The following LRP1B variants were observed in gnomAD, a reference collection of about 807,000 sequenced individuals.
LRP1B encodes LDL receptor related protein 1B, also known as low-density lipoprotein receptor-related protein 1B.
LRP1B carries 217 observed loss-of-function variants against 556.6 expected under a neutral mutation model. The ratio of observed to expected loss-of-function variants is 0.39; its 90% CI spans 0.35 to 0.44. The LOEUF (loss-of-function observed/expected upper bound fraction) is 0.44, where lower values mean the gene tolerates loss of function less well. LRP1B is among the 20% of genes least tolerant of loss of function. LRP1B has a pLI of 1.00. For synonymous variants in LRP1B, 2,047 were observed against 1,865.8 expected (o/e 1.10, Z -2.50); for missense variants, 5,053 against 5,620.8 (o/e 0.90, Z 3.23).
At position 140,291,316 on chromosome 2, in the gene LRP1B, A is replaced by T. The variant is rs866751362; in HGVS notation, c.12967+6492T>A. On this transcript the variant is annotated intron_variant, in intron 84 of 90. Transcript: ENST00000389484. Reference sequence around the variant, plus strand: ...TTTTATTTTATATATATATATATATATATTTTTATTATACTTTAAGTTCTA... The same window carrying T: ...TTTTATTTTATATATATATATATATTTATTTTTATTATACTTTAAGTTCTA... 3.9e-3 allele frequency among the ~76,000 whole-genome samples: 265 copies of T among 68,746 alleles called. 2 individuals are homozygous for T. The highest frequency in any genetic ancestry group is 0.012 in the African/African-American group (249 of 20,660). 45.1% of individuals were successfully genotyped at this position (68,746 alleles called of 152,430 possible).
At chr2:140,754,519 CAA>C (rs1415760580) in intron 35 of LRP1B, among the ~76,000 whole-genome samples, 2 of 152,156 alleles carry the variant, frequency 1.3e-5, no homozygotes, top group African/African-American at 4.8e-5. Flanking sequence ...ACAACAACAA[CAA>C]AGCATGGAAA....
intron 23 of LRP1B, among the ~76,000 whole-genome samples, chr2:140,887,990 T>C (rs920707150): frequency 2.1e-4 from 32 of 152,180 alleles, no homozygotes; most frequent in Non-Finnish European, 1.8e-4. Flanking sequence ...AACTGAATTG[T>C]GCACTTTAAA....
At chr2:140,608,551 A>G (rs9287538) in intron 41 of LRP1B, among the ~76,000 whole-genome samples, 33,957 of 152,180 alleles carry the variant, frequency 0.22, 4,142 homozygotes, top group Admixed American at 0.3. Flanking sequence ...AGTAAAACAC[A>G]TGATTTTCCC....
intron 1 of LRP1B, among the ~76,000 whole-genome samples, chr2:141,846,010 A>AAGAG (rs70994456): frequency 4.0e-5 from 6 of 150,776 alleles, no homozygotes; most frequent in East Asian, 2.0e-4. Context: ...AGGAAATTTA[A>AAGAG]AGAGAGAGAG....
At chr2:141,457,934 A>T (rs1342863974) in intron 3 of LRP1B, among the ~76,000 whole-genome samples, 1 of 152,204 alleles carries the variant, frequency 6.6e-6, no homozygotes, top group African/African-American at 2.4e-5. Context: ...AATTCAGGAG[A>T]CACTGTAGTA....
intron 2 of LRP1B, among the ~76,000 whole-genome samples, chr2:141,766,249 G>A (rs1694729072): frequency 6.6e-6 from 1 of 152,136 alleles, no homozygotes; most frequent in Non-Finnish European, 1.5e-5. Flanking sequence ...CCTAGGATAA[G>A]CAGCAGATTT....
chr2:141,260,547 T>G (rs1684646199), intron 3 of LRP1B, among the ~76,000 whole-genome samples: 1 of 152,214 alleles, frequency 6.6e-6, no homozygotes, highest in African/African-American at 2.4e-5. Flanking sequence ...TCTTTTTTCC[T>G]CATTAGTTTT....
chr2:140,779,710 A>T (rs1689625430), intron 32 of LRP1B, among the ~76,000 whole-genome samples: 1 of 147,782 alleles, frequency 6.8e-6, no homozygotes, highest in Non-Finnish European at 1.5e-5. Context: ...AAAAAAAAAA[A>T]AAAAGTGTGT....
intron 18 of LRP1B, among the ~76,000 whole-genome samples, chr2:140,966,133 G>A (rs532559982): frequency 3.0e-4 from 45 of 152,274 alleles, no homozygotes; most frequent in African/African-American, 6.0e-4. Flanking sequence ...TCACCACACC[G>A]TCTTCTACAA....
At chr2:141,905,327 G>A (rs1171295088) in intron 1 of LRP1B, among the ~76,000 whole-genome samples, 1 of 151,810 alleles carries the variant, frequency 6.6e-6, no homozygotes, top group African/African-American at 2.4e-5. Context: ...CTAGAGAACA[G>A]AGTTAACATA....
At chr2:140,913,196 A>G (rs1264611541) in intron 21 of LRP1B, among the ~76,000 whole-genome samples, 4 of 151,898 alleles carry the variant, frequency 2.6e-5, no homozygotes, top group Admixed American at 6.6e-5. Flanking sequence ...TTTGGTTTCA[A>G]TTCAATTTGA....
intron 3 of LRP1B, among the ~76,000 whole-genome samples, chr2:141,362,817 TAAAA>T (rs372926853): frequency 2.2e-5 from 3 of 138,828 alleles, no homozygotes; most frequent in African/African-American, 5.2e-5. Flanking sequence ...TTGCATTAAT[TAAAA>T]AAAAAAAAAA....
intron 20 of LRP1B, among the ~76,000 whole-genome samples, chr2:140,935,664 A>C (rs2105278156): frequency 6.6e-6 from 1 of 152,252 alleles, no homozygotes; most frequent in East Asian, 1.9e-4. Context: ...AAGAAGCTCA[A>C]CCATCCCCAA....
At chr2:140,936,348 AAAAAAAAAAAAAAAGAAAGG>A (rs914705115) in intron 20 of LRP1B, among the ~76,000 whole-genome samples, 6 of 138,192 alleles carry the variant, frequency 4.3e-5, no homozygotes, top group African/African-American at 1.7e-4. Context: ...TCAAAAAAAA[AAAAAAAAAAAAAAAGAAAGG>A]AAAAAAGAAA....
intron 1 of LRP1B, among the ~76,000 whole-genome samples, chr2:142,000,130 T>C (rs991105835): frequency 2.0e-5 from 3 of 152,072 alleles, no homozygotes; most frequent in African/African-American, 7.2e-5. Context: ...TAAGGTTATA[T>C]GTTAATTGAA....
intron 53 of LRP1B, among the ~76,000 whole-genome samples, chr2:140,504,816 TAATCATCAGAACTATCAC>T (rs1689338035): frequency 6.6e-6 from 1 of 152,170 alleles, no homozygotes. Flanking sequence ...ACCACGTCAT[TAATCATCAGAACTATCAC>T]AATAACCCCC....
intron 1 of LRP1B, among the ~76,000 whole-genome samples, chr2:141,892,523 C>T (rs1196326836): frequency 2.6e-5 from 4 of 151,836 alleles, no homozygotes; most frequent in African/African-American, 9.7e-5. Flanking sequence ...TGTCTAATCC[C>T]TATAAAGGAA....
intron 3 of LRP1B, among the ~76,000 whole-genome samples, chr2:141,331,164 T>A (rs1329628088): frequency 6.6e-6 from 1 of 152,150 alleles, no homozygotes; most frequent in African/African-American, 2.4e-5. Context: ...GCCTCTTACC[T>A]TCTCTCCTGC....
intron 2 of LRP1B, among the ~76,000 whole-genome samples, chr2:141,607,904 C>T (rs1320885951): frequency 1.3e-5 from 2 of 151,910 alleles, no homozygotes; most frequent in Non-Finnish European, 2.9e-5. Flanking sequence ...GCCTGGGTGA[C>T]AGAATGAGAT....
Sources: gnomAD v4.1 joint callset for allele counts (sites outside exome capture counted in the v4.1 genomes callset) on GRCh38, gnomAD v4.1.1 for gene constraint, MANE v1.5 for transcripts, NCBI Gene and HGNC (gene_info 2026-07-23, HGNC 2026-07-21) for gene names.